The following ABI2 variants were observed in gnomAD, a reference collection of about 807,000 sequenced individuals.
The protein encoded by ABI2 is abelson interactor 2.
A neutral mutation model predicts 59.2 loss-of-function variants in ABI2; 25 were observed. That is an observed-to-expected ratio of 0.42 (90% CI 0.31 to 0.59). The LOEUF is 0.59. Ranked by LOEUF, ABI2 falls within the 20% of genes least tolerant of loss-of-function variation. ABI2 has a pLI of 0.14. For synonymous variants in ABI2, 213 were observed against 235.5 expected, an observed-to-expected ratio of 0.90 and a Z score of 0.87; for missense variants, 545 against 681.8, an observed-to-expected ratio of 0.80 and a Z score of 2.23.
At chr2:203,375,946 C>A in intron 2 of ABI2, 1 of 766,650 alleles carries the variant, frequency 1.3e-6, no homozygotes, top group Non-Finnish European at 2.1e-6. Context: ...TACTGCAGTT[C>A]AACCCCGTGT....
intron 9 of ABI2, among the ~76,000 whole-genome samples, chr2:203,408,833 C>CTTTTTTTTTTTTTTTTTTTTT (rs1156536730): frequency 1.1e-5 from 1 of 87,204 alleles, no homozygotes; most frequent in Non-Finnish European, 2.4e-5. Context: ...CTTCTCCTTT[C>CTTTTTTTTTTTTTTTTTTTTT]TTTTTTTTTT....
chr2:203,394,326 A>G (rs780703062), intron 5 of ABI2: 1 of 169,464 alleles, frequency 5.9e-6, no homozygotes, highest in Non-Finnish European at 1.3e-5. Flanking sequence ...AGAGGAGAAT[A>G]ATTAGTGCAT....
At chr2:203,425,806 G>C (rs111259503) in intron 11 of ABI2, among the ~76,000 whole-genome samples, 9,364 of 152,218 alleles carry the variant, frequency 0.062, 405 homozygotes, top group Admixed American at 0.084. Context: ...TGGATCACCT[G>C]AGGTCAGGAG....
chr2:203,376,106 A>G, intron 2 of ABI2: 1 of 1,534,510 alleles, frequency 6.5e-7, no homozygotes, highest in Non-Finnish European at 8.7e-7. Flanking sequence ...CAAATTTGGA[A>G]ACAATTGCAG....
intron 4 of ABI2, among the ~76,000 whole-genome samples, 166 bp from the exon 5 acceptor site, chr2:203,390,880 G>A (rs1231740698): frequency 6.6e-6 from 1 of 152,204 alleles, no homozygotes; most frequent in East Asian, 1.9e-4. Context: ...GAGTACAACT[G>A]TAGAGTAATA....
intron 8 of ABI2, among the ~76,000 whole-genome samples, chr2:203,397,741 G>A (rs977957866): frequency 6.6e-6 from 1 of 152,174 alleles, no homozygotes; most frequent in Admixed American, 6.5e-5. Context: ...AGTGGCATCT[G>A]CTTGGCTTCT....
At chr2:203,381,393 C>A (rs879458315) in intron 3 of ABI2, among the ~76,000 whole-genome samples, 2 of 152,156 alleles carry the variant, frequency 1.3e-5, no homozygotes, top group Admixed American at 6.5e-5. Flanking sequence ...CTTCCCTTGT[C>A]AGCTTCCCTG....
intron 1 of ABI2, among the ~76,000 whole-genome samples, chr2:203,348,597 A>T (rs2085297475): frequency 6.6e-6 from 1 of 151,796 alleles, no homozygotes; most frequent in Non-Finnish European, 1.5e-5. Context: ...AACATTCAAC[A>T]ATAATGTAAT....
chr2:203,351,474 T>G (rs1316133435), intron 1 of ABI2: 2 of 404,936 alleles, frequency 4.9e-6, no homozygotes, highest in Non-Finnish European at 9.5e-6. Context: ...ATGGATGTCT[T>G]TTCATTTACA....
chr2:203,419,202 C>T (rs766977673), intron 11 of ABI2, among the ~76,000 whole-genome samples: 9 of 151,356 alleles, frequency 5.9e-5, no homozygotes, highest in African/African-American at 2.2e-4. Context: ...CTCCACCTCC[C>T]GGGTTCACGC....
intron 9 of ABI2, among the ~76,000 whole-genome samples, chr2:203,408,594 A>C (rs528962355): frequency 1.3e-5 from 2 of 151,982 alleles, no homozygotes; most frequent in African/African-American, 4.8e-5. Flanking sequence ...TTAAGCACCT[A>C]ATCATTCTTT....
intron 4 of ABI2, among the ~76,000 whole-genome samples, chr2:203,385,706 T>C (rs961370301): frequency 1.3e-5 from 2 of 152,222 alleles, no homozygotes. Context: ...AAAACCTTTG[T>C]AGTAACATCA....
intron 1 of ABI2, among the ~76,000 whole-genome samples, chr2:203,340,528 G>A (rs2079217539): frequency 6.6e-6 from 1 of 151,862 alleles, no homozygotes; most frequent in Admixed American, 6.6e-5. Context: ...CACCACACAT[G>A]GCTAATTTTT....
intron 2 of ABI2, among the ~76,000 whole-genome samples, chr2:203,372,142 G>C (rs950650353): frequency 8.6e-5 from 13 of 151,828 alleles, no homozygotes; most frequent in African/African-American, 3.1e-4. Context: ...TAACGAGCAT[G>C]CTGCCTTCAA....
chr2:203,388,051 T>C (rs971564686), intron 4 of ABI2, among the ~76,000 whole-genome samples: 2 of 152,200 alleles, frequency 1.3e-5, no homozygotes, highest in African/African-American at 4.8e-5. Flanking sequence ...AATTATAATA[T>C]AGATTTTACC....
At position 203,431,822 on chromosome 2, in the gene ABI2, A is replaced by C. The variant is rs1041191356; in HGVS notation, c.*4470A>C. The C allele has an allele frequency of 1.1e-4, 16 of 152,366 alleles. No homozygotes were observed. The highest frequency in any genetic ancestry group is 9.1e-4 in the Admixed American group (14 of 15,308). The allele number at this position is 152,366 out of a possible 1,614,324, so 9.4% of individuals were successfully genotyped here. A position where few individuals can be genotyped will look rare whatever the true frequency, so the allele number is the denominator to read the frequency against. ...ACAAAAAAAGCTTATTTTCACATTA[A>C]AATGAAACCTCTTTTGCAACTTAAG... is the stretch of plus-strand genomic sequence containing the variant. On this transcript the variant is annotated 3_prime_UTR_variant, in exon 12 of 12. Coordinates refer to ENST00000261018, the MANE Select transcript of ABI2 (RefSeq NM_001375670.1).
intron 2 of ABI2, among the ~76,000 whole-genome samples, chr2:203,373,054 A>T (rs1206751678): frequency 6.6e-6 from 1 of 152,020 alleles, no homozygotes; most frequent in Non-Finnish European, 1.5e-5. Flanking sequence ...CACTTCCCAG[A>T]TGGGGTGGCG....
At chr2:203,338,908 C>CTGTGTGTG (rs148766477) in intron 1 of ABI2, among the ~76,000 whole-genome samples, 3 of 64,032 alleles carry the variant, frequency 4.7e-5, no homozygotes, top group East Asian at 3.9e-4. Context: ...GGGTTTATAT[C>CTGTGTGTG]TGTGTGTGTG....
At chr2:203,381,148 T>C (rs1273033938) in intron 3 of ABI2, among the ~76,000 whole-genome samples, 1 of 152,218 alleles carries the variant, frequency 6.6e-6, no homozygotes, top group African/African-American at 2.4e-5. Flanking sequence ...AACACTGTTA[T>C]GGATGGAAAT....
Sources: allele counts gnomAD v4.1 joint callset (sites outside exome capture counted in the v4.1 genomes callset), GRCh38; gene constraint gnomAD v4.1.1; transcripts MANE v1.5; gene names NCBI Gene and HGNC (gene_info 2026-07-23, HGNC 2026-07-21).